NBEAL1: variants seen among roughly 807,000 people sequenced by gnomAD.
The protein encoded by NBEAL1 is neurobeachin-like protein 1.
NBEAL1 carries 273 observed loss-of-function variants against 351.3 expected under a neutral mutation model. The observed-to-expected ratio is 0.78, with a 90% CI of 0.70 to 0.86. The LOEUF is 0.86. NBEAL1 is among the 40% of genes least tolerant of loss of function. NBEAL1 has a pLI of 0.00. For missense variants in NBEAL1, 2,961 were observed against 3,201.3 expected (o/e 0.92, Z 1.81); for synonymous variants, 1,050 against 1,086.4 (o/e 0.97, Z 0.66).
chr2:203,157,709 C>A lies in NBEAL1; in HGVS notation c.5598C>A (p.His1866Gln). ...SALRDNLGIQ[H>Q]SQPSSDTLLL... Reference sequence around the variant, plus strand: ...TTGTGTTTAAAACAGGTATCCAACACTCACAGCCTTCCAGTGATACATTGC... The same window carrying A: ...TTGTGTTTAAAACAGGTATCCAACAATCACAGCCTTCCAGTGATACATTGC... Residue 1866 changes from histidine (H) to glutamine (Q), a missense_variant, in exon 36 of 56, where the codon CAC (histidine) becomes CAA (glutamine). Transcript: ENST00000683969. The A allele has an allele frequency of 6.3e-7, 1 of 1,589,642 alleles. No individual in the cohort carries two copies. Among genetic ancestry groups the A allele is most frequent in the Admixed American group, 1.8e-5 (1 of 55,306 alleles).
chr2:203,100,125 ATACTACAT>A (rs1366095283), intron 12 of NBEAL1, among the ~76,000 whole-genome samples: 1 of 152,130 alleles, frequency 6.6e-6, no homozygotes, highest in Non-Finnish European at 1.5e-5. Context: ...TGGTGTATAT[ATACTACAT>A]TTTCTTTATC....
chr2:203,171,822 C>CT (rs5837845), intron 39 of NBEAL1, 106 bp from the exon 40 acceptor site: 230,627 of 381,602 alleles, frequency 0.6, 53,070 homozygotes, highest in Admixed American at 0.73. Context: ...CCTGTTGTAC[C>CT]TTTTTTTTTT....
intron 12 of NBEAL1, among the ~76,000 whole-genome samples, chr2:203,104,622 G>A (rs1218092281): frequency 6.6e-6 from 1 of 152,144 alleles, no homozygotes; most frequent in Non-Finnish European, 1.5e-5. Context: ...TGACTTGTGT[G>A]TGTGGTTGCT....
At chr2:203,126,508 A>G in intron 21 of NBEAL1, 49 bp from the exon 22 acceptor site, 1 of 1,262,768 alleles carries the variant, frequency 7.9e-7, no homozygotes, top group Non-Finnish European at 1.0e-6. Context: ...TAACTTAATG[A>G]CAGTTATTTA....
At chr2:203,072,964 G>A (rs1370940264) in intron 7 of NBEAL1, among the ~76,000 whole-genome samples, 1 of 152,154 alleles carries the variant, frequency 6.6e-6, no homozygotes, top group Non-Finnish European at 1.5e-5. Flanking sequence ...GTTAGGCAGG[G>A]TTCTCTTTTC....
intron 19 of NBEAL1, among the ~76,000 whole-genome samples, chr2:203,123,672 T>C (rs2062878498): frequency 6.6e-6 from 1 of 152,142 alleles, no homozygotes; most frequent in African/African-American, 2.4e-5. Flanking sequence ...GTAGGATTTA[T>C]GACATGAATG....
At chr2:203,190,421 T>G in intron 46 of NBEAL1, 32 bp downstream of exon 46, 1 of 1,480,144 alleles carries the variant, frequency 6.8e-7, no homozygotes, top group Non-Finnish European at 9.3e-7. Flanking sequence ...TAGATTTAAG[T>G]CAACTTAAGA....
intron 6 of NBEAL1, among the ~76,000 whole-genome samples, chr2:203,058,093 C>T (rs2061435365): frequency 6.6e-6 from 1 of 152,138 alleles, no homozygotes; most frequent in Non-Finnish European, 1.5e-5. Flanking sequence ...CTGCCTGCCT[C>T]GGCCTCCCAA....
intron 10 of NBEAL1, among the ~76,000 whole-genome samples, chr2:203,088,173 C>T (rs947909255): frequency 1.3e-5 from 2 of 152,172 alleles, no homozygotes; most frequent in East Asian, 3.8e-4. Context: ...GGAGACTACT[C>T]TCCTTTTCTG....
At chr2:203,202,984 T>C (rs1438564181) in intron 51 of NBEAL1, among the ~76,000 whole-genome samples, 1 of 152,330 alleles carries the variant, frequency 6.6e-6, no homozygotes, top group Non-Finnish European at 1.5e-5. Flanking sequence ...CCCTATTGCT[T>C]TCCAAAGATT....
chr2:203,216,583 A>G (rs1365503149), intron 55 of NBEAL1, among the ~76,000 whole-genome samples: 3 of 152,102 alleles, frequency 2.0e-5, no homozygotes, highest in Non-Finnish European at 4.4e-5. Flanking sequence ...TCTACAAACA[A>G]ATAAAAAATT....
Position 203,167,371 on chromosome 2 carries a change from T to C in NBEAL1, c.5997+11T>C, listed in dbSNP as rs781261057. 3.2e-5 allele frequency: 51 copies of C among 1,583,016 alleles called. 3 individuals are homozygous for C. The South Asian group carries it at 5.3e-4, about 16-fold the overall frequency. ...AATTTCAAAAAAGAGGTATGTATTA[T>C]GGTTTCAGGAAATCCCAAAATGCTA... is the stretch of plus-strand genomic sequence containing the variant. On this transcript the variant is annotated intron_variant, in intron 38 of 55. Transcript: ENST00000683969.
chr2:203,109,132 G>A (rs1267726486), intron 14 of NBEAL1, among the ~76,000 whole-genome samples: 3 of 152,188 alleles, frequency 2.0e-5, no homozygotes, highest in Non-Finnish European at 4.4e-5. Flanking sequence ...TGAGGTGGGC[G>A]AATCACTTGA....
chr2:203,051,753 A>G (rs1171744800), intron 4 of NBEAL1, among the ~76,000 whole-genome samples: 2 of 152,290 alleles, frequency 1.3e-5, no homozygotes, highest in South Asian at 2.1e-4. Context: ...TTTGGTTGAA[A>G]AAAAATTTTT....
At chr2:203,137,497 T>G (rs1454473594) in intron 29 of NBEAL1, among the ~76,000 whole-genome samples, 1 of 152,158 alleles carries the variant, frequency 6.6e-6, no homozygotes, top group Non-Finnish European at 1.5e-5. Flanking sequence ...TAAGGCATAA[T>G]AAGGCTTTCT....
At chr2:203,025,515 C>T (rs1454661699) in intron 2 of NBEAL1, among the ~76,000 whole-genome samples, 1 of 152,110 alleles carries the variant, frequency 6.6e-6, no homozygotes, top group Admixed American at 6.6e-5. Context: ...AGTTTTGTTA[C>T]AAGCAAGTAA....
Position 203,190,319 on chromosome 2 carries a change from A to AT in NBEAL1, c.6852dup (p.Glu2285Ter). On this transcript the variant is annotated frameshift_variant, in exon 46 of 56. Coordinates refer to ENST00000683969, the MANE Select transcript of NBEAL1 (RefSeq NM_001378026.1). LOFTEE classifies it high-confidence loss of function. ...GCTGTGGATCTGGATGCCTTAACAG[A>AT]TGAGAAAGAAAGAAAAGCCTTAGAA... is the stretch of plus-strand genomic sequence containing the variant. 1 of 1,612,104 alleles carries AT rather than the reference A, an allele frequency of 6.2e-7. No homozygotes were observed. The highest frequency in any genetic ancestry group is 8.5e-7 in the Non-Finnish European group (1 of 1,179,554).
intron 10 of NBEAL1, among the ~76,000 whole-genome samples, chr2:203,090,219 AT>A (rs2062038288): frequency 6.6e-6 from 1 of 152,026 alleles, no homozygotes; most frequent in Admixed American, 6.6e-5. Context: ...TTTTTTATAG[AT>A]TTAAGAGGTA....
chr2:203,093,821 G>A (rs922820151), intron 10 of NBEAL1, among the ~76,000 whole-genome samples: 1 of 152,018 alleles, frequency 6.6e-6, no homozygotes, highest in African/African-American at 2.4e-5. Flanking sequence ...CTCCAGCCTG[G>A]GTGACAGAGC....
Sources: gnomAD v4.1 joint callset for allele counts (sites outside exome capture counted in the v4.1 genomes callset) on GRCh38, gnomAD v4.1.1 for gene constraint, MANE v1.5 for transcripts, NCBI Gene and HGNC (gene_info 2026-07-23, HGNC 2026-07-21) for gene names.